CELF2: variants seen among roughly 807,000 people sequenced by gnomAD.
The protein encoded by CELF2 is CUG triplet repeat RNA-binding protein 2.
CELF2 carries 8 observed loss-of-function variants against 62.6 expected under a neutral mutation model. The observed-to-expected ratio is 0.13, with a 90% CI of 0.07 to 0.23. The LOEUF is 0.23. Among genes scored for constraint, CELF2 ranks in the 10% least tolerant of loss-of-function variants. The probability of loss-of-function intolerance (pLI) is 1.00; values close to 1 mark genes in which losing one functional copy is unlikely to be tolerated. For missense variants in CELF2, 333 were observed against 671.0 expected, an observed-to-expected ratio of 0.50 and a Z score of 5.56; for synonymous variants, 258 against 250.0, an observed-to-expected ratio of 1.03 and a Z score of -0.30.
At position 10,818,601 on chromosome 10, in the gene CELF2, T is replaced by G. The variant is rs536003929; in HGVS notation, c.53+19784T>G. Among the ~76,000 whole-genome samples the G allele has an allele frequency of 3.1e-4, 45 of 146,288 alleles. No individual in the cohort carries two copies. In the East Asian group the frequency reaches 6.2e-3, roughly 20 times the overall value. On this transcript the variant is annotated intron_variant, in intron 1 of 13. Transcript: ENST00000636488. ...GAGTCTCACTGTCTGTCGCCCAGGC[T>G]GGAGTGCAGTGGCGCGATCTCAACT... is the stretch of plus-strand genomic sequence containing the variant.
the CELF2 span, among the ~76,000 whole-genome samples, chr10:10,501,302 T>C: frequency 3.9e-5 from 6 of 152,216 alleles, no homozygotes; most frequent in Non-Finnish European, 7.3e-5. Flanking sequence ...ACTTTTCTGA[T>C]AGGGTCTGTA....
chr10:11,105,061 C>T (rs148037240), intron 1 of CELF2, among the ~76,000 whole-genome samples: 4 of 152,318 alleles, frequency 2.6e-5, no homozygotes, highest in African/African-American at 7.2e-5. Flanking sequence ...CTGTGATTTC[C>T]TGATGAGCAA....
the CELF2 span, among the ~76,000 whole-genome samples, chr10:10,702,832 C>G: frequency 1.3e-5 from 2 of 152,228 alleles, no homozygotes; most frequent in African/African-American, 2.4e-5. Flanking sequence ...GGTTCACCCA[C>G]CTAGGCCTCC....
chr10:10,973,350 G>A lies in CELF2; in HGVS notation c.89+53351G>A, dbSNP rs947500530. Reference sequence around the variant, plus strand: ...ATACTCTTAGGGGATATGACTCCTGGGTCCCAGCACCCCACGCCTGACATC... The same window carrying A: ...ATACTCTTAGGGGATATGACTCCTGAGTCCCAGCACCCCACGCCTGACATC... On this transcript the variant is annotated intron_variant, in intron 2 of 13. Transcript: ENST00000636488. Among the ~76,000 whole-genome samples, 9 of 152,112 alleles carry A rather than the reference G, an allele frequency of 5.9e-5. No individual in the cohort carries two copies. In the South Asian group the frequency reaches 1.9e-3, roughly 32 times the overall value.
intron 1 of CELF2, among the ~76,000 whole-genome samples, chr10:10,852,861 T>C (rs2059470022): frequency 6.6e-6 from 1 of 152,256 alleles, no homozygotes; most frequent in South Asian, 2.1e-4. Flanking sequence ...AAGCTGAATT[T>C]GGAGGCTGAA....
the CELF2 span, among the ~76,000 whole-genome samples, chr10:10,520,255 A>T: frequency 1.3e-5 from 2 of 152,216 alleles, no homozygotes; most frequent in Non-Finnish European, 2.9e-5. Context: ...AGCTGCTATG[A>T]AAGACCCTTT....
At position 11,177,042 on chromosome 10, in the gene CELF2, A is replaced by G. The variant is rs2071452932; in HGVS notation, c.271+11360A>G. Among the ~76,000 whole-genome samples the G allele has an allele frequency of 6.6e-6, 1 of 152,168 alleles. No individual in the cohort carries two copies. The highest frequency in any genetic ancestry group is 1.5e-5 in the Non-Finnish European group (1 of 68,034). On this transcript the variant is annotated intron_variant, in intron 2 of 12. Coordinates refer to ENST00000633077, the MANE Select transcript of CELF2 (RefSeq NM_001326342.2). This position sits in a 1 kb window ranked among gnomAD's most constrained non-coding sequence, Gnocchi z 4.8. ...CCCCTGCACCCTTCCTGGAATCACC[A>G]CTGGTTGCAGAAGCCTATATAGGGT...
rs2095855920 is a variant in CELF2, at chr10:11,328,229, T to C, written c.1439-697T>C. Among the ~76,000 whole-genome samples the C allele has an allele frequency of 6.6e-6, 1 of 152,256 alleles. No homozygotes were observed. The highest frequency in any genetic ancestry group is 2.4e-5 in the African/African-American group (1 of 41,478). On this transcript the variant is annotated intron_variant, in intron 12 of 12. Coordinates refer to ENST00000633077, the MANE Select transcript of CELF2 (RefSeq NM_001326342.2). This position sits in a 1 kb window ranked among gnomAD's most constrained non-coding sequence, Gnocchi z 6.4. ...GGAGCAATTTCCTTTCTGCTGAATT[T>C]ACTGGAGCTTTGGAAATGGAAAGTG...
the CELF2 span, among the ~76,000 whole-genome samples, chr10:10,720,641 TAGAG>T: frequency 2.1e-3 from 313 of 152,238 alleles, 1 homozygote; most frequent in Middle Eastern, 3.4e-3. Flanking sequence ...GTTAAAAAAA[TAGAG>T]AGAAATTTTA....
chr10:10,663,072 T>G, the CELF2 span, among the ~76,000 whole-genome samples: 1 of 152,336 alleles, frequency 6.6e-6, no homozygotes, highest in South Asian at 2.1e-4. Context: ...ACTTTATTAT[T>G]TCCATCAAAG....
chr10:11,175,330 T>C (rs1019799341), intron 2 of CELF2, among the ~76,000 whole-genome samples: 3 of 151,902 alleles, frequency 2.0e-5, no homozygotes, highest in African/African-American at 7.3e-5. Flanking sequence ...AGTCATGAGA[T>C]TGAAAAGGGG....
intron 8 of CELF2, among the ~76,000 whole-genome samples, chr10:11,275,355 A>G (rs1350976256): frequency 6.6e-6 from 1 of 152,182 alleles, no homozygotes; most frequent in Non-Finnish European, 1.5e-5. Flanking sequence ...GGGGCTGAGA[A>G]ATCCTGATTG....
At chr10:11,174,595 A>C (rs944485636) in intron 2 of CELF2, among the ~76,000 whole-genome samples, 1 of 152,254 alleles carries the variant, frequency 6.6e-6, no homozygotes, top group African/African-American at 2.4e-5. Context: ...AGGGAGAAGA[A>C]TTAAAGGGCT....
At chr10:10,789,874 A>G in the CELF2 span, among the ~76,000 whole-genome samples, 1 of 152,048 alleles carries the variant, frequency 6.6e-6, no homozygotes, top group Non-Finnish European at 1.5e-5. Context: ...TTACTGTTAT[A>G]TATGATGTTT....
the CELF2 span, among the ~76,000 whole-genome samples, chr10:10,682,407 C>T: frequency 6.6e-6 from 1 of 152,330 alleles, no homozygotes; most frequent in East Asian, 1.9e-4. Context: ...GAGCATGTTT[C>T]ACAAATTGGA....
chr10:10,550,792 G>T, the CELF2 span, among the ~76,000 whole-genome samples: 1 of 151,786 alleles, frequency 6.6e-6, no homozygotes, highest in South Asian at 2.1e-4. Context: ...TCCGCCTCCC[G>T]GGTTCAAGTG....
chr10:10,522,084 T>C, the CELF2 span, among the ~76,000 whole-genome samples: 1 of 152,220 alleles, frequency 6.6e-6, no homozygotes, highest in Non-Finnish European at 1.5e-5. Flanking sequence ...ACCTTGCAAC[T>C]TCCTCACATC....
In CELF2 at chr10:11,231,636, T is replaced by G. The variant is rs529405101; in HGVS notation, c.354+14129T>G. Among the ~76,000 whole-genome samples the G allele has an allele frequency of 2.8e-4, 28 of 99,980 alleles. No individual in the cohort carries two copies. The East Asian group carries it at 7.1e-3, about 25-fold the overall frequency. The allele number at this position is 99,980 out of a possible 152,430, so 65.6% of individuals were successfully genotyped here. A position where few individuals can be genotyped will look rare whatever the true frequency, so the allele number is the denominator to read the frequency against. On this transcript the variant is annotated intron_variant, in intron 3 of 12. Coordinates refer to ENST00000633077, the MANE Select transcript of CELF2 (RefSeq NM_001326342.2). Reference sequence around the variant, plus strand: ...ATTTTGCTCATTGCAACCAAATGATTAACTCTTCAGAAAAAAAAAAATCCT... The same window carrying G: ...ATTTTGCTCATTGCAACCAAATGATGAACTCTTCAGAAAAAAAAAAATCCT...
At chr10:11,212,339 C>A (rs60478649) in intron 2 of CELF2, among the ~76,000 whole-genome samples, 3,915 of 152,208 alleles carry the variant, frequency 0.026, 164 homozygotes, top group African/African-American at 0.089. Flanking sequence ...CTGTGAGGCC[C>A]CCCCGGGCCT....
Sources: gnomAD v4.1 joint callset for allele counts (sites outside exome capture counted in the v4.1 genomes callset) on GRCh38, gnomAD v4.1.1 for gene constraint, Gnocchi (gnomAD v3.1) non-coding constraint, MANE v1.5 for transcripts, NCBI Gene and HGNC (gene_info 2026-07-23, HGNC 2026-07-21) for gene names.